Variants in PCLO observed in about 807,000 individuals in gnomAD.
PCLO encodes the protein piccolo presynaptic cytomatrix protein, also known as protein piccolo.
A neutral mutation model predicts 427.5 loss-of-function variants in PCLO; 82 were observed. That is an observed-to-expected ratio of 0.19 (90% CI 0.16 to 0.23). PCLO has a LOEUF of 0.23. Among genes scored for constraint, PCLO ranks in the 10% least tolerant of loss-of-function variants. PCLO has a pLI of 1.00. For missense variants in PCLO, 6,239 were observed against 6,115.9 expected, an observed-to-expected ratio of 1.02 and a Z score of -0.67; for synonymous variants, 2,357 against 2,155.4, an observed-to-expected ratio of 1.09 and a Z score of -2.59.
Position 83,004,943 on chromosome 7 carries a change from C to G in PCLO, c.3301-38456G>C, listed in dbSNP as rs559418860. Among the ~76,000 whole-genome samples the G allele has an allele frequency of 4.6e-5, 7 of 151,510 alleles. No individual in the cohort carries two copies. In the South Asian group the frequency reaches 1.5e-3, roughly 32 times the overall value. ...AAAGGTGCTCAACATCACTAATCATCAGGAAAACGCGAATCAAAAACACAA... is the reference window on the plus strand; with the variant it reads ...AAAGGTGCTCAACATCACTAATCATGAGGAAAACGCGAATCAAAAACACAA... On this transcript the variant is annotated intron_variant, in intron 3 of 24. Coordinates refer to ENST00000333891, the MANE Select transcript of PCLO (RefSeq NM_033026.6).
chr7:83,032,837 T>C (rs912461017), intron 3 of PCLO, among the ~76,000 whole-genome samples: 2 of 152,064 alleles, frequency 1.3e-5, no homozygotes, highest in Non-Finnish European at 2.9e-5. Flanking sequence ...GAGATGCAGG[T>C]GGGTGACAAT....
chr7:82,998,235 T>C (rs1433934770), intron 3 of PCLO, among the ~76,000 whole-genome samples: 1 of 151,970 alleles, frequency 6.6e-6, no homozygotes, highest in Non-Finnish European at 1.5e-5. Flanking sequence ...ATGGGAGTTA[T>C]GCTTTTATTT....
chr7:82,821,306 T>C lies in PCLO; in HGVS notation c.14791+1189A>G, dbSNP rs1791785613. On this transcript the variant is annotated intron_variant, in intron 20 of 24. Coordinates refer to ENST00000333891, the MANE Select transcript of PCLO (RefSeq NM_033026.6). ...GCTTTTATGTGCTGCTGTGGCAGTGTGGGTGAAATGGAAACCCAGAGTATG... is the reference window on the plus strand; with the variant it reads ...GCTTTTATGTGCTGCTGTGGCAGTGCGGGTGAAATGGAAACCCAGAGTATG... The C allele has an allele frequency of 7.1e-6, 7 of 986,138 alleles. No homozygotes were observed. The Admixed American group carries it at 3.7e-4, about 52-fold the overall frequency. 61.1% of individuals were successfully genotyped at this position (986,138 alleles called of 1,614,324 possible).
In PCLO at chr7:82,838,200, C is replaced by A. The variant is rs757837478; in HGVS notation, c.14222+18G>T. The A allele has an allele frequency of 3.2e-6, 5 of 1,573,250 alleles. No homozygotes were observed. Among genetic ancestry groups the A allele is most frequent in the South Asian group, 2.3e-5 (2 of 87,426 alleles). ...TTGTTTTAAAGCATGAGATGAAGTA[C>A]TTCTTAATTTTACTTACCCTCTCCC... On this transcript the variant is annotated intron_variant, in intron 15 of 24. Transcript: ENST00000333891.
chr7:82,812,758 C>A (rs1791598659), intron 20 of PCLO, among the ~76,000 whole-genome samples: 1 of 151,444 alleles, frequency 6.6e-6, no homozygotes, highest in African/African-American at 2.4e-5. Context: ...AAAAAACATT[C>A]AATTTTGAGC....
At chr7:83,115,591 C>T (rs1791111336) in intron 3 of PCLO, among the ~76,000 whole-genome samples, 1 of 151,896 alleles carries the variant, frequency 6.6e-6, no homozygotes, top group African/African-American at 2.4e-5. Context: ...AAAATGATGC[C>T]TTTTCATACC....
intron 3 of PCLO, among the ~76,000 whole-genome samples, chr7:83,057,217 G>A (rs919839235): frequency 1.4e-5 from 2 of 145,306 alleles, no homozygotes; most frequent in Non-Finnish European, 3.0e-5. Flanking sequence ...CTGAGTAGCT[G>A]TATTTCTAGT....
chr7:82,851,267 G>T (rs1792646161), intron 10 of PCLO, among the ~76,000 whole-genome samples: 1 of 151,590 alleles, frequency 6.6e-6, no homozygotes, highest in Non-Finnish European at 1.5e-5. Context: ...TGAGAGCATT[G>T]AGAGTGCTGT....
In PCLO at chr7:82,954,924, A is replaced by G. The variant is rs202174545; in HGVS notation, c.6029T>C (p.Leu2010Pro). ...TTCTAACTCATAAAACTCTTTCTGG[A>G]GGTCTGTAATTTTCTGCATAGGATC... ...YEDPMQKITD[L>P]QKEFYELESL... Residue 2010 changes from leucine to proline, a missense_variant, in exon 5 of 25, where the codon CTC becomes CCC. Transcript: ENST00000333891. 3.7e-6 allele frequency: 6 copies of G among 1,613,534 alleles called. No individual in the cohort carries two copies. Among genetic ancestry groups the G allele is most frequent in the Non-Finnish European group, 5.1e-6 (6 of 1,179,766 alleles).
chr7:82,924,887 C>A (rs79835062), intron 6 of PCLO, among the ~76,000 whole-genome samples: 2,920 of 152,082 alleles, frequency 0.019, 103 homozygotes, highest in African/African-American at 0.066. Flanking sequence ...TAATGCACAA[C>A]AGACATTTAC....
In PCLO at chr7:83,135,008, G is replaced by T; in HGVS notation, c.2542C>A (p.Pro848Thr). ...TTGGGTTCTTCCTTCTTTTGTACGG[G>T]GTCAACTTGTTTTTGACCTTTGCTC... ...SESKGQKQVDPVQKKEEPKKA... is the reference protein window; with the variant it reads ...SESKGQKQVDTVQKKEEPKKA... The change falls in exon 3 of 25, where the codon CCC becomes ACC. Residue 848 changes from proline (P) to threonine (T), a missense_variant. By Grantham distance (38) the Pro-to-Thr change is conservative. Around this residue, in one of 5 missense-constraint regions of PCLO, gnomAD observed 4,677 missense variants for 4,468.4 expected, o/e 1.05. Transcript: ENST00000333891. 2 of 1,613,702 alleles carry T rather than the reference G, an allele frequency of 1.2e-6. No individual in the cohort carries two copies. The highest frequency in any genetic ancestry group is 1.7e-6 in the Non-Finnish European group (2 of 1,179,836).
chr7:82,976,961 C>T (rs1220199226), intron 3 of PCLO, among the ~76,000 whole-genome samples: 1 of 152,174 alleles, frequency 6.6e-6, no homozygotes, highest in African/African-American at 2.4e-5. Flanking sequence ...CCCAAGCCAT[C>T]TTCCAGCATT....
chr7:82,845,538 T>C (rs918833791), intron 12 of PCLO, 53 bp from the exon 13 acceptor site: 52 of 1,224,016 alleles, frequency 4.2e-5, no homozygotes, highest in Middle Eastern at 1.9e-4. Context: ...AGGTACTTTA[T>C]ACCATGGAAC....
chr7:83,155,722 G>C lies in PCLO; in HGVS notation c.919C>G (p.Gln307Glu). The C allele has an allele frequency of 1.2e-6, 2 of 1,613,988 alleles. No homozygotes were observed. The highest frequency in any genetic ancestry group is 1.7e-6 in the Non-Finnish European group (2 of 1,179,890). The change falls in exon 2 of 25, where the codon CAG becomes GAG. Residue 307 changes from glutamine (Q) to glutamate (E), a missense_variant. Gln to Glu is a conservative substitution (Grantham distance 29). This residue lies in a region of PCLO where 4,677 missense variants were observed against 4,468.4 expected (regional missense o/e 1.05). Coordinates refer to ENST00000333891, the MANE Select transcript of PCLO (RefSeq NM_033026.6). ...GGAGGTTTTCCAGGAGTTGGTTGCT[G>C]AATAGGTGGTTTGGATGGGCTTGGC... ...SLPSPSKPPI[Q>E]QPTPGKPPAQ...
At chr7:83,034,637 T>A (rs1407577145) in intron 3 of PCLO, among the ~76,000 whole-genome samples, 1 of 152,252 alleles carries the variant, frequency 6.6e-6, no homozygotes, top group Non-Finnish European at 1.5e-5. Flanking sequence ...ACATATTGGA[T>A]GTATCAATCT....
chr7:83,094,319 C>CT (rs1288339271), intron 3 of PCLO, among the ~76,000 whole-genome samples: 1 of 150,554 alleles, frequency 6.6e-6, no homozygotes, highest in African/African-American at 2.4e-5. Context: ...AGCGATTCTC[C>CT]TGCCTCAGCT....
intron 8 of PCLO, among the ~76,000 whole-genome samples, chr7:82,904,225 TTTC>T (rs972222187): frequency 7.2e-5 from 11 of 151,824 alleles, no homozygotes; most frequent in Admixed American, 2.0e-4. Context: ...TGCTTACATT[TTTC>T]TTCTTTTTCC....
At chr7:83,143,780 C>T (rs1268935013) in intron 2 of PCLO, among the ~76,000 whole-genome samples, 2 of 152,000 alleles carry the variant, frequency 1.3e-5, no homozygotes, top group Non-Finnish European at 2.9e-5. Flanking sequence ...GTAAATTGAA[C>T]TTACATGCAT....
In PCLO at chr7:83,112,299, G is replaced by A. The variant is rs145274267; in HGVS notation, c.3300+21951C>T. ...TCTCGAACTCCTGACCTCATGATCC[G>A]CCCACCTCAGTCTCCCAAAGTGTTG... On this transcript the variant is annotated intron_variant, in intron 3 of 24. Transcript: ENST00000333891. Among the ~76,000 whole-genome samples, 787 of 152,096 alleles carry A rather than the reference G, an allele frequency of 5.2e-3. 9 individuals are homozygous for A. Among genetic ancestry groups the A allele is most frequent in the African/African-American group, 0.018 (745 of 41,488 alleles).
Sources: gnomAD v4.1 joint callset for allele counts (sites outside exome capture counted in the v4.1 genomes callset) on GRCh38, gnomAD v4.1.1 for gene constraint, gnomAD v4.1.1 regional missense constraint, MANE v1.5 for transcripts, NCBI Gene and HGNC (gene_info 2026-07-23, HGNC 2026-07-21) for gene names.